The following SUPT3H variants were observed in gnomAD, a reference collection of about 807,000 sequenced individuals.
The protein encoded by SUPT3H is transcription initiation protein SPT3 homolog.
Under a neutral mutation model 44.3 loss-of-function variants are expected in SUPT3H, and 44 were observed. The ratio of observed to expected loss-of-function variants is 0.99; its 90% CI spans 0.78 to 1.28. The LOEUF (loss-of-function observed/expected upper bound fraction) is 1.28. SUPT3H is among the 50% of genes most tolerant of loss of function. SUPT3H has a pLI of 0.00. For synonymous variants in SUPT3H, 124 were observed against 125.6 expected, an observed-to-expected ratio of 0.99 and a Z score of 0.09; for missense variants, 380 against 387.1, an observed-to-expected ratio of 0.98 and a Z score of 0.15.
rs370545741 is a variant in SUPT3H, at chr6:44,932,767, C to A, written c.802-4G>T. On this transcript the variant is annotated splice_polypyrimidine_tract_variant and splice_region_variant and intron_variant, in intron 9 of 10. Transcript: ENST00000371459. ...CAACACCACAGGCTGCAGTGCTCTGCGACAGAAAAACACATAAATTGTTAC... is the reference window on the plus strand; with the variant it reads ...CAACACCACAGGCTGCAGTGCTCTGAGACAGAAAAACACATAAATTGTTAC... The A allele has an allele frequency of 1.3e-6, 2 of 1,584,672 alleles. No homozygotes were observed. The highest frequency in any genetic ancestry group is 2.7e-5 in the African/African-American group (2 of 73,110).
chr6:45,285,905 C>T (rs1363462590), intron 2 of SUPT3H, among the ~76,000 whole-genome samples: 2 of 151,796 alleles, frequency 1.3e-5, no homozygotes, highest in African/African-American at 2.4e-5. Flanking sequence ...AGGATATAGA[C>T]CAATGGAAAA....
At chr6:45,308,384 A>T (rs1438665628) in intron 2 of SUPT3H, among the ~76,000 whole-genome samples, 1 of 152,234 alleles carries the variant, frequency 6.6e-6, no homozygotes, top group Non-Finnish European at 1.5e-5. Flanking sequence ...AGACCATCAG[A>T]CTAACAGCTG....
chr6:44,862,024 C>A (rs768570325), intron 10 of SUPT3H, among the ~76,000 whole-genome samples: 3 of 152,158 alleles, frequency 2.0e-5, no homozygotes, highest in African/African-American at 4.8e-5. Flanking sequence ...AGGACACTAC[C>A]TTAAGGATTA....
chr6:45,286,552 A>C (rs1310620599), intron 2 of SUPT3H, among the ~76,000 whole-genome samples: 1 of 152,226 alleles, frequency 6.6e-6, no homozygotes, highest in Non-Finnish European at 1.5e-5. Context: ...ATACCAACTC[A>C]CACCAGTTAG....
intron 9 of SUPT3H, among the ~76,000 whole-genome samples, chr6:44,945,253 C>T (rs762567454): frequency 6.6e-6 from 1 of 152,076 alleles, no homozygotes; most frequent in Non-Finnish European, 1.5e-5. Context: ...TTCTCTCAGG[C>T]CTCCCTATTC....
chr6:45,368,154 T>C (rs1563037533), intron 1 of SUPT3H, among the ~76,000 whole-genome samples: 2 of 152,200 alleles, frequency 1.3e-5, no homozygotes, highest in Non-Finnish European at 2.9e-5. Context: ...TGCAGTTGTT[T>C]CAGCTTTCAA....
chr6:45,244,914 C>T (rs1212601290), intron 2 of SUPT3H, among the ~76,000 whole-genome samples: 9 of 152,026 alleles, frequency 5.9e-5, no homozygotes. Context: ...AATGAAAAAT[C>T]TTATTATTTG....
intron 10 of SUPT3H, among the ~76,000 whole-genome samples, chr6:44,931,747 A>G (rs996926471): frequency 6.6e-6 from 1 of 152,152 alleles, no homozygotes; most frequent in African/African-American, 2.4e-5. Flanking sequence ...AAAGGATGGA[A>G]AGAAAGCATT....
intron 10 of SUPT3H, among the ~76,000 whole-genome samples, chr6:44,893,779 T>C (rs536970322): frequency 2.1e-5 from 3 of 143,934 alleles, no homozygotes; most frequent in East Asian, 4.2e-4. Flanking sequence ...TAGTTCTAGA[T>C]CCCTGAGGAA....
chr6:45,345,655 A>G (rs1384224264), intron 2 of SUPT3H, among the ~76,000 whole-genome samples: 2 of 152,126 alleles, frequency 1.3e-5, no homozygotes, highest in African/African-American at 2.4e-5. Flanking sequence ...CTTCATTCCC[A>G]TTCCCTCTTA....
intron 1 of SUPT3H, among the ~76,000 whole-genome samples, chr6:45,373,280 T>C (rs1368334100): frequency 6.6e-6 from 1 of 152,120 alleles, no homozygotes; most frequent in Non-Finnish European, 1.5e-5. Context: ...TAACCTTCAC[T>C]ACCCATTAAC....
intron 3 of SUPT3H, among the ~76,000 whole-genome samples, chr6:45,097,083 A>C (rs1257848279): frequency 6.6e-6 from 1 of 152,204 alleles, no homozygotes; most frequent in Non-Finnish European, 1.5e-5. Flanking sequence ...TGAAAAGATA[A>C]CACTGATCAA....
At chr6:45,351,617 T>A (rs920764275) in intron 2 of SUPT3H, among the ~76,000 whole-genome samples, 1 of 152,112 alleles carries the variant, frequency 6.6e-6, no homozygotes, top group African/African-American at 2.4e-5. Context: ...AATTACTACT[T>A]CTACTCTACC....
chr6:45,364,098 G>A (rs1794727018), intron 2 of SUPT3H, among the ~76,000 whole-genome samples: 1 of 144,278 alleles, frequency 6.9e-6, no homozygotes, highest in Admixed American at 7.2e-5. Flanking sequence ...CTGGGCAACA[G>A]AGTGAGACTC....
intron 10 of SUPT3H, among the ~76,000 whole-genome samples, chr6:44,922,814 T>C (rs911559221): frequency 1.3e-5 from 2 of 152,212 alleles, no homozygotes; most frequent in African/African-American, 4.8e-5. Flanking sequence ...AAGAAGTTTC[T>C]TGCCATTTTT....
rs113717894 is a variant in SUPT3H at position 45,289,819 on chromosome 6, C to T, written c.101+75382G>A. On this transcript the variant is annotated intron_variant, in intron 2 of 10. Coordinates refer to ENST00000371459, the MANE Select transcript of SUPT3H (RefSeq NM_003599.4). ...TTTAGATTTTAAACAAAAAATGGTACGTCAGCTGGTAACACTAGTACAGAG... is the reference window on the plus strand; with the variant it reads ...TTTAGATTTTAAACAAAAAATGGTATGTCAGCTGGTAACACTAGTACAGAG... 5.7e-3 allele frequency among the ~76,000 whole-genome samples: 863 copies of T among 152,200 alleles called. 12 individuals carry two copies. Among genetic ancestry groups the T allele is most frequent in the African/African-American group, 0.02 (824 of 41,528 alleles).
intron 2 of SUPT3H, among the ~76,000 whole-genome samples, chr6:45,284,384 A>G (rs908859742): frequency 6.6e-6 from 1 of 152,218 alleles, no homozygotes; most frequent in African/African-American, 2.4e-5. Flanking sequence ...GGAATCAAAT[A>G]CATGCAATAA....
intron 3 of SUPT3H, among the ~76,000 whole-genome samples, chr6:45,062,453 A>C (rs544202252): frequency 4.0e-5 from 6 of 151,642 alleles, no homozygotes; most frequent in African/African-American, 1.5e-4. Context: ...TGTAGGGGTG[A>C]GGAGCCAAGA....
rs564203045 is a variant in SUPT3H, at chr6:45,069,605, C to T, written c.186+36317G>A. Among the ~76,000 whole-genome samples, 17 of 152,192 alleles carry T rather than the reference C, an allele frequency of 1.1e-4. No homozygotes were observed. In the South Asian group the frequency reaches 3.3e-3, roughly 30 times the overall value. On this transcript the variant is annotated intron_variant, in intron 3 of 10. Transcript: ENST00000371459. Reference sequence around the variant, plus strand: ...AAACAGTACACTCATAGTCACCTTCCTATTTCCTAGAAAGTTCCTGTGAAG... The same window carrying T: ...AAACAGTACACTCATAGTCACCTTCTTATTTCCTAGAAAGTTCCTGTGAAG...
Sources: gnomAD v4.1 joint callset for allele counts (sites outside exome capture counted in the v4.1 genomes callset) on GRCh38, gnomAD v4.1.1 for gene constraint, MANE v1.5 for transcripts, NCBI Gene and HGNC (gene_info 2026-07-23, HGNC 2026-07-21) for gene names.